Variants in SFTPD observed in about 807,000 individuals in gnomAD.
The protein encoded by SFTPD is surfactant protein D, also known as pulmonary surfactant-associated protein D.
Under a neutral mutation model 34.6 loss-of-function variants are expected in SFTPD, and 18 were observed. The observed-to-expected ratio is 0.52, with a 90% confidence interval of 0.36 to 0.77. The LOEUF is 0.77. Among genes scored for constraint, SFTPD ranks in the 30% least tolerant of loss-of-function variants. The pLI, the probability that SFTPD is intolerant of heterozygous loss-of-function variation, is 0.00. For synonymous variants in SFTPD, 155 were observed against 180.9 expected (o/e 0.86, Z 1.15); for missense variants, 433 against 468.9 (o/e 0.92, Z 0.71).
At chr10:79,968,311 C>T (rs939880055) in intron 1 of SFTPD, 7 of 152,126 alleles carry the variant, frequency 4.6e-5, no homozygotes, top group African/African-American at 1.7e-4. Context: ...GCATGGTACC[C>T]AGTAGTTTTT....
In SFTPD at chr10:79,942,771, C is replaced by T. The variant is rs1842627143; in HGVS notation, c.308G>A (p.Gly103Glu). ...GACACCCAGTTGCTCACCACTTGGC[C>T]CAGTGTCTCCCTTTGGTCCAGGTTC... is the stretch of plus-strand genomic sequence containing the variant. ...VGEPGPKGDT[G>E]PSGPPGPPGV... The change falls in exon 3 of 8, where the codon GGG becomes GAG. Residue 103 changes from glycine to glutamate, a missense_variant. Physicochemically the swap from Gly to Glu is moderately conservative, Grantham distance 98. Transcript: ENST00000372292. The T allele has an allele frequency of 1.2e-6, 2 of 1,606,396 alleles. No individual in the cohort carries two copies. Among genetic ancestry groups the T allele is most frequent in the South Asian group, 1.1e-5 (1 of 90,950 alleles).
intron 1 of SFTPD, chr10:79,973,202 TA>T (rs1218192233): frequency 2.0e-5 from 3 of 152,234 alleles, no homozygotes; most frequent in Admixed American, 2.0e-4. Flanking sequence ...AAATAAATTG[TA>T]CATCAAGTTC....
rs529407532 is a variant in SFTPD at position 79,937,783 on chromosome 10, A to C, written c.*69T>G. ...ACCTTTTTATTAGGATATTGGCAGC[A>C]TGAGGGTCTAAGCCTTGACTTCTGG... On this transcript the variant is annotated 3_prime_UTR_variant, in exon 8 of 8. Coordinates refer to ENST00000372292, the MANE Select transcript of SFTPD (RefSeq NM_003019.5). 2 of 1,460,388 alleles carry C rather than the reference A, an allele frequency of 1.4e-6. No individual in the cohort carries two copies. The highest frequency in any genetic ancestry group is 1.8e-4 in the Middle Eastern group (1 of 5,514). The allele number at this position is 1,460,388 out of a possible 1,614,324, so 90.5% of individuals were successfully genotyped here. A position where few individuals can be genotyped will look rare whatever the true frequency, so the allele number is the denominator to read the frequency against.
chr10:79,961,904 A>G (rs1278480771), intron 1 of SFTPD, among the ~76,000 whole-genome samples: 1 of 151,120 alleles, frequency 6.6e-6, no homozygotes, highest in Non-Finnish European at 1.5e-5. Flanking sequence ...CAAATGTCCA[A>G]CAATGATAGA....
chr10:79,963,272 A>G lies in SFTPD; in HGVS notation c.37-16610T>C, dbSNP rs576683452. Among the ~76,000 whole-genome samples the G allele has an allele frequency of 1.2e-3, 179 of 151,786 alleles. 1 individual carries two copies. Among genetic ancestry groups the G allele is most frequent in the Non-Finnish European group, 2.0e-3 (134 of 67,944 alleles). ...TCTGGGAGGCTGGAGGATCAATTGA[A>G]CCCAGGAGTTCAAGGCTGCAGTGAG... On this transcript the variant is annotated intron_variant, in intron 1 of 5. Coordinates refer to the SFTPD transcript ENST00000444384.
intron 1 of SFTPD, chr10:79,971,250 T>C (rs1564535424): frequency 6.6e-6 from 1 of 152,210 alleles, no homozygotes; most frequent in Admixed American, 6.5e-5. Flanking sequence ...TATTGTTGAA[T>C]TCTGTTTGCT....
intron 1 of SFTPD, among the ~76,000 whole-genome samples, chr10:79,961,101 A>T (rs1379344998): frequency 6.6e-6 from 1 of 152,226 alleles, no homozygotes. Context: ...ATAAGTAGAA[A>T]GCTGAAACTG....
At chr10:79,974,212 G>A (rs1320370036) in intron 1 of SFTPD, among the ~76,000 whole-genome samples, 1 of 151,958 alleles carries the variant, frequency 6.6e-6, no homozygotes, top group South Asian at 2.1e-4. Context: ...CTGTTGCCCA[G>A]GCTGCAGTGC....
At chr10:79,964,746 A>G (rs944898696) in intron 1 of SFTPD, among the ~76,000 whole-genome samples, 1 of 152,064 alleles carries the variant, frequency 6.6e-6, no homozygotes, top group East Asian at 1.9e-4. Flanking sequence ...TCCCTTCCCT[A>G]CACATTAAGC....
At chr10:79,962,911 G>C (rs1176302219) in intron 1 of SFTPD, among the ~76,000 whole-genome samples, 2 of 151,852 alleles carry the variant, frequency 1.3e-5, no homozygotes, top group East Asian at 3.9e-4. Flanking sequence ...GACTCTTTCA[G>C]GTTTTATAAC....
intron 1 of SFTPD, among the ~76,000 whole-genome samples, chr10:79,962,226 C>T (rs1421930305): frequency 2.0e-5 from 3 of 150,844 alleles, no homozygotes; most frequent in Admixed American, 6.6e-5. Context: ...AGCACACCAA[C>T]ATGGCACATG....
At chr10:79,951,751 C>T (rs181790876), upstream of SFTPD, among the ~76,000 whole-genome samples, 16 of 152,310 alleles carry the variant, frequency 1.1e-4, no homozygotes, top group African/African-American at 3.8e-4. Context: ...TCTGTTGTCA[C>T]AGGCAGTTGG....
chr10:79,938,185 GAAAATC>G lies in SFTPD; in HGVS notation c.789_794del (p.Lys263_Phe265delinsAsn), dbSNP rs1842576416. On this transcript the variant is annotated inframe_deletion, in exon 8 of 8. Coordinates refer to ENST00000372292, the MANE Select transcript of SFTPD (RefSeq NM_003019.5). ...ATGGTTTTACAAAGCCTGCTGTCTT[GAAAATC>G]TTCTCCCCGACACTTTGGCCATTTG... The G allele has an allele frequency of 6.2e-7, 1 of 1,603,548 alleles. No homozygotes were observed. Among genetic ancestry groups the G allele is most frequent in the Non-Finnish European group, 8.5e-7 (1 of 1,171,236 alleles).
intron 1 of SFTPD, among the ~76,000 whole-genome samples, chr10:79,981,632 G>C (rs1842890920): frequency 6.6e-6 from 1 of 152,126 alleles, no homozygotes; most frequent in Admixed American, 6.5e-5. Context: ...CTGGCGCACC[G>C]CCCGTTTTTC....
upstream of SFTPD, among the ~76,000 whole-genome samples, chr10:79,951,941 A>G (rs966609477): frequency 3.3e-5 from 5 of 152,198 alleles, no homozygotes; most frequent in African/African-American, 9.7e-5. Context: ...TCTCCACCAG[A>G]GTGGGAAGGA....
At chr10:79,978,875 A>T (rs530119527) in intron 1 of SFTPD, among the ~76,000 whole-genome samples, 1 of 151,638 alleles carries the variant, frequency 6.6e-6, no homozygotes, top group African/African-American at 2.4e-5. Context: ...AAGAAAGAAA[A>T]GGCACCCAAA....
intron 1 of SFTPD, among the ~76,000 whole-genome samples, chr10:79,948,138 A>G (rs1842684602): frequency 6.6e-6 from 1 of 152,194 alleles, no homozygotes. Context: ...AGTCTCTAGA[A>G]ACACCTGGGT....
intron 1 of SFTPD, among the ~76,000 whole-genome samples, chr10:79,955,054 C>A (rs1434822747): frequency 1.3e-5 from 2 of 152,150 alleles, no homozygotes; most frequent in African/African-American, 4.8e-5. Context: ...TAGCTTGGGC[C>A]TCCAGAGCTT....
chr10:79,960,436 C>A (rs1842765317), intron 1 of SFTPD, among the ~76,000 whole-genome samples: 1 of 150,308 alleles, frequency 6.7e-6, no homozygotes, highest in Admixed American at 6.7e-5. Flanking sequence ...TGATAAGCAA[C>A]TTCAGCAAAG....
Sources: gnomAD v4.1 joint callset for allele counts (sites outside exome capture counted in the v4.1 genomes callset) on GRCh38, gnomAD v4.1.1 for gene constraint, MANE v1.5 for transcripts, NCBI Gene and HGNC (gene_info 2026-07-23, HGNC 2026-07-21) for gene names.